Variants in GRIP1 observed in about 807,000 individuals in gnomAD.
GRIP1 encodes the protein glutamate receptor-interacting protein 1.
In GRIP1, 45 loss-of-function variants were observed where a neutral mutation model predicts 129.9. The ratio of observed to expected loss-of-function variants is 0.35; its 90% CI spans 0.27 to 0.44. GRIP1 has a LOEUF of 0.44. Among genes scored for constraint, GRIP1 ranks in the 20% least tolerant of loss-of-function variants. GRIP1 has a pLI of 1.00. For synonymous variants in GRIP1, 530 were observed against 520.8 expected (o/e 1.02, Z -0.24); for missense variants, 1,196 against 1,396.8 (o/e 0.86, Z 2.29).
intron 1 of GRIP1, among the ~76,000 whole-genome samples, chr12:66,887,757 T>C (rs1039269556): frequency 2.0e-5 from 3 of 152,174 alleles, no homozygotes; most frequent in Non-Finnish European, 2.9e-5. Flanking sequence ...AAGTTCAATA[T>C]ACTAAAAGAA....
rs894559016 is a variant in GRIP1 at position 66,578,765 on chromosome 12, G to T, written c.136+18082C>A. 2.6e-5 allele frequency among the ~76,000 whole-genome samples: 4 copies of T among 152,302 alleles called. No individual in the cohort carries two copies. The South Asian group carries it at 6.2e-4, about 24-fold the overall frequency. ...AACAAAGCAGCCGGGAAGCTCCAAC[G>T]GGGTGGAGCCCACCACAGCTCAAGG... On this transcript the variant is annotated intron_variant, in intron 2 of 24. Coordinates refer to ENST00000359742, the MANE Select transcript of GRIP1 (RefSeq NM_001366722.1).
intron 1 of GRIP1, among the ~76,000 whole-genome samples, chr12:66,617,371 T>C (rs954159176): frequency 1.3e-5 from 2 of 151,564 alleles, no homozygotes; most frequent in African/African-American, 2.4e-5. Flanking sequence ...ATCCATCTAA[T>C]AGGCTTTAGT....
intron 2 of GRIP1, among the ~76,000 whole-genome samples, chr12:66,590,198 C>T (rs754915155): frequency 9.9e-5 from 15 of 152,132 alleles, no homozygotes; most frequent in Non-Finnish European, 1.8e-4. Context: ...GGTACCCAAA[C>T]GGGGATTCGG....
intron 14 of GRIP1, 39 bp from the exon 15 acceptor site, chr12:66,420,828 C>T: frequency 9.6e-7 from 1 of 1,046,396 alleles, no homozygotes; most frequent in Non-Finnish European, 1.5e-6. Context: ...TCTTTATATC[C>T]ATTATTCACC....
rs144748263 is a variant in GRIP1 at position 66,887,399 on chromosome 12, A to G, written c.58+181651T>C. ...AGGGGTAAAATGGGATTAATAATGT[A>G]CCCACTTTACAGGTTGTTATGAGGA... is the stretch of plus-strand genomic sequence containing the variant. On this transcript the variant is annotated intron_variant, in intron 1 of 1. Coordinates refer to the GRIP1 transcript ENST00000643019. Among the ~76,000 whole-genome samples, 306 of 152,320 alleles carry G rather than the reference A, an allele frequency of 2.0e-3. 1 individual carries two copies. The highest frequency in any genetic ancestry group is 6.9e-3 in the African/African-American group (285 of 41,572).
chr12:66,571,834 A>G (rs2062970006), intron 2 of GRIP1, among the ~76,000 whole-genome samples: 1 of 152,130 alleles, frequency 6.6e-6, no homozygotes, highest in Admixed American at 6.5e-5. Flanking sequence ...AGTCATTTCC[A>G]TTTACTTTCC....
intron 1 of GRIP1, among the ~76,000 whole-genome samples, chr12:66,665,927 T>C (rs1454318449): frequency 4.6e-5 from 7 of 152,294 alleles, no homozygotes; most frequent in African/African-American, 1.4e-4. Context: ...CTGGGCCAAC[T>C]TTTCATACTG....
intron 1 of GRIP1, among the ~76,000 whole-genome samples, chr12:66,785,335 C>CATATATATATATATATATATAT (rs1448856691): frequency 5.8e-4 from 16 of 27,788 alleles, no homozygotes; most frequent in Middle Eastern, 0.028. Flanking sequence ...TACATACATA[C>CATATATATATATATATATATAT]ATACATACAT....
At chr12:66,602,595 A>G (rs1303380553) in intron 1 of GRIP1, among the ~76,000 whole-genome samples, 1 of 152,100 alleles carries the variant, frequency 6.6e-6, no homozygotes, top group Non-Finnish European at 1.5e-5. Flanking sequence ...AGTGGTCCAT[A>G]CAGCTAAGTT....
At chr12:67,029,193 C>T (rs2042983869) in intron 1 of GRIP1, among the ~76,000 whole-genome samples, 2 of 152,152 alleles carry the variant, frequency 1.3e-5, no homozygotes, top group Non-Finnish European at 2.9e-5. Context: ...CTCACTGCAA[C>T]CTCCGCCTCT....
At chr12:66,436,608 G>A (rs984238980) in intron 13 of GRIP1, among the ~76,000 whole-genome samples, 1 of 152,158 alleles carries the variant, frequency 6.6e-6, no homozygotes, top group Non-Finnish European at 1.5e-5. Flanking sequence ...TTAGCATGAT[G>A]GGGTTATAAG....
intron 1 of GRIP1, among the ~76,000 whole-genome samples, chr12:66,789,213 T>C (rs909716579): frequency 2.6e-5 from 4 of 152,134 alleles, no homozygotes; most frequent in African/African-American, 4.8e-5. Context: ...CAAATACACA[T>C]TGAGAACCTG....
At chr12:66,672,023 C>G (rs991589978) in intron 1 of GRIP1, among the ~76,000 whole-genome samples, 1 of 152,048 alleles carries the variant, frequency 6.6e-6, no homozygotes, top group Non-Finnish European at 1.5e-5. Context: ...CAAGTGTGTG[C>G]TAATGTGCAC....
At position 66,480,755 on chromosome 12, in the gene GRIP1, C is replaced by T. The variant is rs530555536; in HGVS notation, c.725-15333G>A. Reference sequence around the variant, plus strand: ...CAGAACAGAGGCCTCAGAAATAATACCACACATCTACAACCATCTGATCTT... The same window carrying T: ...CAGAACAGAGGCCTCAGAAATAATATCACACATCTACAACCATCTGATCTT... On this transcript the variant is annotated intron_variant, in intron 7 of 24. Transcript: ENST00000359742. Among the ~76,000 whole-genome samples, 26 of 152,234 alleles carry T rather than the reference C, an allele frequency of 1.7e-4. 1 individual carries two copies. The highest frequency in any genetic ancestry group is 6.3e-4 in the African/African-American group (26 of 41,542).
At chr12:66,624,696 T>C (rs1469258664) in intron 1 of GRIP1, among the ~76,000 whole-genome samples, 3 of 152,100 alleles carry the variant, frequency 2.0e-5, no homozygotes, top group Non-Finnish European at 4.4e-5. Context: ...GGAAAGACAG[T>C]GGTTATTTGA....
chr12:66,506,171 A>G (rs1338485133), intron 7 of GRIP1, among the ~76,000 whole-genome samples: 1 of 152,184 alleles, frequency 6.6e-6, no homozygotes, highest in African/African-American at 2.4e-5. Context: ...CCTAAGGCCT[A>G]GCAATTCCAC....
intron 1 of GRIP1, among the ~76,000 whole-genome samples, chr12:66,854,716 T>C (rs1017862322): frequency 6.6e-6 from 1 of 152,048 alleles, no homozygotes; most frequent in African/African-American, 2.4e-5. Context: ...TCCAACTATA[T>C]CACCATGTTG....
At chr12:66,354,627 T>C (rs952076925) in intron 23 of GRIP1, among the ~76,000 whole-genome samples, 2 of 152,010 alleles carry the variant, frequency 1.3e-5, no homozygotes, top group Non-Finnish European at 2.9e-5. Flanking sequence ...TCTACTGTAA[T>C]TATATATATA....
intron 1 of GRIP1, among the ~76,000 whole-genome samples, chr12:66,749,475 C>T (rs1053527993): frequency 7.9e-5 from 12 of 152,192 alleles, no homozygotes; most frequent in Admixed American, 5.2e-4. Context: ...TATTTCTGTT[C>T]TCTAAATTAA....
Sources: allele counts gnomAD v4.1 joint callset (sites outside exome capture counted in the v4.1 genomes callset), GRCh38; gene constraint gnomAD v4.1.1; transcripts MANE v1.5; gene names NCBI Gene and HGNC (gene_info 2026-07-23, HGNC 2026-07-21).